The following AGL variants were observed in gnomAD, a reference collection of about 807,000 sequenced individuals.
AGL encodes the protein amylo-alpha-1,6-glucosidase and 4-alpha-glucanotransferase.
A neutral mutation model predicts 199.3 loss-of-function variants in AGL; 128 were observed. The observed-to-expected ratio is 0.64, with a 90% confidence interval of 0.56 to 0.74. AGL has a LOEUF of 0.74. Ranked by LOEUF, AGL falls within the 30% of genes least tolerant of loss-of-function variation. The pLI is 0.00. For synonymous variants in AGL, 584 were observed against 594.7 expected (o/e 0.98, Z 0.26); for missense variants, 1,809 against 1,820.8 (o/e 0.99, Z 0.12).
At position 99,916,381 on chromosome 1, in the gene AGL, AT is replaced by A. The variant is rs753475277; in HGVS notation, c.4260-26del. ...TTTACATAATATCTGATCATCTTTT[AT>A]TTAACTTAAATTTCAATCATTTTGC... On this transcript the variant is annotated intron_variant, in intron 31 of 33. Transcript: ENST00000361915. 5 of 1,512,808 alleles carry A rather than the reference AT, an allele frequency of 3.3e-6. No homozygotes were observed. In the African/African-American group the frequency reaches 6.9e-5, roughly 21 times the overall value. The allele number at this position is 1,512,808 out of a possible 1,614,324, so 93.7% of individuals were successfully genotyped here.
At position 99,860,553 on chromosome 1, in the gene AGL, CT is replaced by C. The variant is rs1170425670; in HGVS notation, c.83-948del. On this transcript the variant is annotated intron_variant, in intron 2 of 33. Coordinates refer to ENST00000361915, the MANE Select transcript of AGL (RefSeq NM_000642.3). ...ACAGTACAGTTTTAACTGTAATGTGCTTATTTGTTTTCGCTTATGGCAAAAT... is the reference window on the plus strand; with the variant it reads ...ACAGTACAGTTTTAACTGTAATGTGCTATTTGTTTTCGCTTATGGCAAAAT... 2.0e-5 allele frequency among the ~76,000 whole-genome samples: 3 copies of C among 152,192 alleles called. No individual in the cohort carries two copies. In the East Asian group the frequency reaches 5.8e-4, roughly 29 times the overall value.
rs1650908567 is a variant in AGL, at chr1:99,870,591, T to C, written c.846+10T>C. ...TGATCACCATATGAATGTCAGTATG[T>C]ACAGAGGAGTATCACACTAAAACAG... On this transcript the variant is annotated intron_variant, in intron 6 of 33. Coordinates refer to ENST00000361915, the MANE Select transcript of AGL (RefSeq NM_000642.3). The C allele has an allele frequency of 1.2e-6, 2 of 1,613,818 alleles. No homozygotes were observed. The highest frequency in any genetic ancestry group is 1.7e-6 in the Non-Finnish European group (2 of 1,179,782).
rs1439639935 is a variant in AGL at position 99,900,784 on chromosome 1, G to A, written c.3511G>A (p.Gly1171Ser). ...IQDYCKMVPN[G>S]LDILKCPVSR... ...GGATTACTGTAAAATGGTTCCAAAT[G>A]GTCTAGACATTCTCAAGTGCCCAGT... Residue 1171 changes from glycine (G) to serine (S), a missense_variant, in exon 26 of 34, where the codon GGT becomes AGT. Coordinates refer to ENST00000361915, the MANE Select transcript of AGL (RefSeq NM_000642.3). The A allele has an allele frequency of 6.2e-7, 1 of 1,613,918 alleles. No individual in the cohort carries two copies. The highest frequency in any genetic ancestry group is 1.1e-5 in the South Asian group (1 of 91,076).
intron 27 of AGL, among the ~76,000 whole-genome samples, chr1:99,909,125 C>T (rs1654541769): frequency 6.6e-6 from 1 of 152,204 alleles, no homozygotes; most frequent in East Asian, 1.9e-4. Flanking sequence ...GGACTCTCCA[C>T]TCAGTCTCTG....
At position 99,862,440 on chromosome 1, in the gene AGL, T is replaced by A; in HGVS notation, c.460+17T>A. 1 of 1,613,280 alleles carries A rather than the reference T, an allele frequency of 6.2e-7. No homozygotes were observed. Among genetic ancestry groups the A allele is most frequent in the Non-Finnish European group, 8.5e-7 (1 of 1,179,392 alleles). ...AAGAATCAGGTAATGTCAGCTTGCT[T>A]TCTTTTTCTTATTTAAAAAAATAAA... On this transcript the variant is annotated intron_variant, in intron 4 of 33. Coordinates refer to ENST00000361915, the MANE Select transcript of AGL (RefSeq NM_000642.3).
intron 2 of AGL, among the ~76,000 whole-genome samples, chr1:99,852,316 T>C (rs941128034): frequency 6.6e-6 from 1 of 151,578 alleles, no homozygotes; most frequent in African/African-American, 2.4e-5. Context: ...ACAAGCTGAC[T>C]TGGGGCAAGT....
At position 99,891,703 on chromosome 1, in the gene AGL, C is replaced by G. The variant is rs1221645372; in HGVS notation, c.3047C>G (p.Thr1016Ser). 1 of 1,613,346 alleles carries G rather than the reference C, an allele frequency of 6.2e-7. No individual in the cohort carries two copies. Among genetic ancestry groups the G allele is most frequent in the Non-Finnish European group, 8.5e-7 (1 of 1,179,574 alleles). ...YFDAILIGAY[T>S]TLLDTAWKQM... is the part of the protein sequence containing the mutation. ...GATGCTATATTAATTGGTGCATATA[C>G]CACTCTTCTGGATACAGCATGGAAG... Residue 1016 changes from threonine (T) to serine (S), a missense_variant, in exon 23 of 34, where the codon ACC (threonine) becomes AGC (serine). Physicochemically the swap from Thr to Ser is moderately conservative, Grantham distance 58. Coordinates refer to ENST00000361915, the MANE Select transcript of AGL (RefSeq NM_000642.3).
intron 13 of AGL, 126 bp from the exon 14 acceptor site, chr1:99,880,506 A>T: frequency 1.7e-6 from 2 of 1,151,008 alleles, no homozygotes; most frequent in Non-Finnish European, 2.5e-6. Context: ...TTAAATCCTT[A>T]AAGCAGTTTT....
intron 31 of AGL, among the ~76,000 whole-genome samples, 191 bp from the exon 32 acceptor site, chr1:99,916,219 A>G (rs1312916219): frequency 1.3e-5 from 2 of 152,188 alleles, no homozygotes; most frequent in African/African-American, 4.8e-5. Flanking sequence ...TTTTTAACAC[A>G]TGATTAAAGT....
intron 5 of AGL, among the ~76,000 whole-genome samples, chr1:99,867,156 A>G (rs547275580): frequency 3.9e-5 from 6 of 152,034 alleles, no homozygotes; most frequent in African/African-American, 1.4e-4. Flanking sequence ...GCAGAATTCA[A>G]CCTCCAGAAT....
rs143796157 is a variant in AGL, at chr1:99,914,626, A to G, written c.4162-763A>G. On this transcript the variant is annotated intron_variant, in intron 30 of 33. Coordinates refer to ENST00000361915, the MANE Select transcript of AGL (RefSeq NM_000642.3). ...AATTAATGCATATTCTTGGTCAACA[A>G]TGCTTTTCTCTTCTTTCTCTGTATC... Among the ~76,000 whole-genome samples, 260 of 152,314 alleles carry G rather than the reference A, an allele frequency of 1.7e-3. 1 individual carries two copies. The highest frequency in any genetic ancestry group is 6.1e-3 in the African/African-American group (253 of 41,582).
rs771412201 is a variant in AGL, at chr1:99,888,028, G to A, written c.2732G>A (p.Cys911Tyr). 1 of 1,613,526 alleles carries A rather than the reference G, an allele frequency of 6.2e-7. No homozygotes were observed. The highest frequency in any genetic ancestry group is 2.2e-5 in the East Asian group (1 of 44,832). ...GAGCTAAATCAGATCCTTTACCGAT[G>A]TGAATCAGAAGAAAAGGAAGATGGT... ...LAELNQILYR[C>Y]ESEEKEDGGG... is the part of the protein sequence containing the mutation. Residue 911 changes from cysteine (C) to tyrosine (Y), a missense_variant, in exon 21 of 34, where the codon TGT (cysteine) becomes TAT (tyrosine). Coordinates refer to ENST00000361915, the MANE Select transcript of AGL (RefSeq NM_000642.3).
In AGL at chr1:99,862,515, A is replaced by T. The variant is rs1343097802; in HGVS notation, c.460+92A>T. 4 of 1,363,662 alleles carry T rather than the reference A, an allele frequency of 2.9e-6. No homozygotes were observed. In the East Asian group the frequency reaches 9.6e-5, roughly 33 times the overall value. 84.5% of individuals were successfully genotyped at this position (1,363,662 alleles called of 1,614,324 possible). ...TTTCAAAAGTTTTGTGTATTAGTCC[A>T]TTCTCTCATTGCAGTAAAGAACTAC... On this transcript the variant is annotated intron_variant, in intron 4 of 33. Coordinates refer to ENST00000361915, the MANE Select transcript of AGL (RefSeq NM_000642.3).
chr1:99,922,374 G>T lies in AGL; in HGVS notation c.*723G>T, dbSNP rs894240920. The T allele has an allele frequency of 2.0e-5, 3 of 151,620 alleles. No homozygotes were observed. The highest frequency in any genetic ancestry group is 4.4e-5 in the Non-Finnish European group (3 of 67,750). 9.4% of individuals were successfully genotyped at this position (151,620 alleles called of 1,614,324 possible). A position where few individuals can be genotyped will look rare whatever the true frequency, so the allele number is the denominator to read the frequency against. On this transcript the variant is annotated 3_prime_UTR_variant, in exon 34 of 34. Coordinates refer to ENST00000361915, the MANE Select transcript of AGL (RefSeq NM_000642.3). ...ATAAGATAGCTTACATTTTCAAAAT[G>T]GAAATTGTCGGTCATATTTCTAGAA...
rs1249051895 is a variant in AGL at position 99,887,970 on chromosome 1, A to G, written c.2682-8A>G. The G allele has an allele frequency of 1.9e-6, 3 of 1,612,924 alleles. No individual in the cohort carries two copies. Among genetic ancestry groups the G allele is most frequent in the Non-Finnish European group, 1.7e-6 (2 of 1,179,378 alleles). ...AATATATGGTTATCTTTATTTTCCA[A>G]TTCTTAGTCTTGCCTCCAGATTAAC... On this transcript the variant is annotated splice_region_variant and splice_polypyrimidine_tract_variant and intron_variant, in intron 20 of 33. Coordinates refer to ENST00000361915, the MANE Select transcript of AGL (RefSeq NM_000642.3).
In AGL at chr1:99,877,637, A is replaced by T; in HGVS notation, c.1424-4A>T. 1 of 1,613,842 alleles carries T rather than the reference A, an allele frequency of 6.2e-7. No homozygotes were observed. Among genetic ancestry groups the T allele is most frequent in the Non-Finnish European group, 8.5e-7 (1 of 1,179,818 alleles). Reference sequence around the variant, plus strand: ...CCATTGAAAGCAATCTCTTTTCTGAACAGGTTCAGAAGTTTACCTAAGGAG... The same window carrying T: ...CCATTGAAAGCAATCTCTTTTCTGATCAGGTTCAGAAGTTTACCTAAGGAG... On this transcript the variant is annotated splice_region_variant and splice_polypyrimidine_tract_variant and intron_variant, in intron 11 of 33. Coordinates refer to ENST00000361915, the MANE Select transcript of AGL (RefSeq NM_000642.3).
intron 25 of AGL, among the ~76,000 whole-genome samples, chr1:99,898,058 T>TC (rs1453870343): frequency 2.0e-5 from 3 of 151,828 alleles, no homozygotes; most frequent in Non-Finnish European, 4.4e-5. Context: ...CCTTTTTTTT[T>TC]TTTTTTGAGA....
chr1:99,869,337 A>G (rs2101109039), intron 5 of AGL, among the ~76,000 whole-genome samples: 1 of 152,312 alleles, frequency 6.6e-6, no homozygotes, highest in Middle Eastern at 3.4e-3. Context: ...TATTATGGGT[A>G]TGAATAAATA....
chr1:99,864,863 G>A (rs913513569), intron 5 of AGL, among the ~76,000 whole-genome samples: 1 of 152,170 alleles, frequency 6.6e-6, no homozygotes, highest in Non-Finnish European at 1.5e-5. Context: ...GGAACATAAT[G>A]ATCACATATT....
Sources: allele counts gnomAD v4.1 joint callset (sites outside exome capture counted in the v4.1 genomes callset), GRCh38; gene constraint gnomAD v4.1.1; transcripts MANE v1.5; gene names NCBI Gene and HGNC (gene_info 2026-07-23, HGNC 2026-07-21).